SAMD12: variants seen among roughly 807,000 people sequenced by gnomAD.
The protein encoded by SAMD12 is sterile alpha motif domain containing 12, also known as sterile alpha motif domain-containing protein 12.
In SAMD12, 9 loss-of-function variants were observed where a neutral mutation model predicts 15.0. That is an observed-to-expected ratio of 0.60 (90% confidence interval 0.36 to 1.05). SAMD12 has a LOEUF of 1.05. Among genes scored for constraint, SAMD12 ranks in the 50% least tolerant of loss-of-function variants. The pLI is 0.01. For missense variants in SAMD12, 230 were observed against 234.2 expected (o/e 0.98, Z 0.12); for synonymous variants, 86 against 90.1 (o/e 0.96, Z 0.25).
chr8:118,531,351 G>A (rs1825679881), intron 2 of SAMD12, among the ~76,000 whole-genome samples: 1 of 152,212 alleles, frequency 6.6e-6, no homozygotes, highest in African/African-American at 2.4e-5. Flanking sequence ...ATAGTTTGAA[G>A]TCAGGTAGCG....
chr8:118,454,800 T>A (rs573850408), intron 2 of SAMD12, among the ~76,000 whole-genome samples: 67 of 152,270 alleles, frequency 4.4e-4, no homozygotes, highest in Middle Eastern at 3.4e-3. Flanking sequence ...TGTCCCCTTG[T>A]CTCCCCATTC....
intron 1 of SAMD12, among the ~76,000 whole-genome samples, chr8:118,583,448 A>T (rs941793798): frequency 2.0e-5 from 3 of 152,154 alleles, no homozygotes; most frequent in Middle Eastern, 3.2e-3. Context: ...ATGGATTCAG[A>T]CATTAATGAA....
intron 2 of SAMD12, among the ~76,000 whole-genome samples, chr8:118,553,215 C>T (rs1826404614): frequency 2.0e-5 from 3 of 152,138 alleles, no homozygotes; most frequent in Admixed American, 2.0e-4. Context: ...AAAAAGCCCA[C>T]ATCGCCAAGG....
the SAMD12 span, among the ~76,000 whole-genome samples, chr8:118,175,397 A>G: frequency 1.2e-4 from 19 of 152,370 alleles, no homozygotes; most frequent in Middle Eastern, 0.014. Context: ...ATCCTAGGAG[A>G]AAACCTAGGA....
rs1355477082 is a variant in SAMD12, at chr8:118,514,149, AT to A, written c.192+66565del. The stretch of plus-strand genomic sequence containing the variant: ...GTACATGAGATCAGCAACCCTCCCC[AT>A]CACAAGGCATTTAAAATGATTTTTT... On this transcript the variant is annotated intron_variant, in intron 2 of 3. Coordinates refer to ENST00000314727, the MANE Select transcript of SAMD12 (RefSeq NM_207506.3). Among the ~76,000 whole-genome samples the A allele has an allele frequency of 2.6e-5, 4 of 151,850 alleles. No individual in the cohort carries two copies. In the East Asian group the frequency reaches 7.7e-4, roughly 29 times the overall value.
At chr8:118,576,154 A>T (rs1827145103) in intron 2 of SAMD12, among the ~76,000 whole-genome samples, 1 of 152,212 alleles carries the variant, frequency 6.6e-6, no homozygotes. Flanking sequence ...ACTTTCTGCC[A>T]TAATGATCAT....
intron 1 of SAMD12, among the ~76,000 whole-genome samples, chr8:118,597,031 CAT>C (rs1186408628): frequency 2.0e-5 from 3 of 152,104 alleles, no homozygotes; most frequent in African/African-American, 7.2e-5. Context: ...GATGGAATCA[CAT>C]GTGCAAAGCT....
chr8:118,203,455 A>C (rs1819770307), intron 4 of SAMD12, among the ~76,000 whole-genome samples: 1 of 152,132 alleles, frequency 6.6e-6, no homozygotes, highest in Non-Finnish European at 1.5e-5. Flanking sequence ...GAAACCCATT[A>C]AACTGCTGAA....
intron 4 of SAMD12, among the ~76,000 whole-genome samples, chr8:118,227,583 T>G (rs1202443434): frequency 2.0e-5 from 3 of 152,208 alleles, no homozygotes; most frequent in Non-Finnish European, 4.4e-5. Flanking sequence ...AATATGATAC[T>G]GGGTAAGTCA....
chr8:118,234,322 CATA>C (rs1586369374), intron 4 of SAMD12, among the ~76,000 whole-genome samples: 1 of 151,956 alleles, frequency 6.6e-6, no homozygotes, highest in East Asian at 1.9e-4. Context: ...TTATGTTTGT[CATA>C]ATATTTATCA....
chr8:118,577,782 C>A (rs181512070), intron 2 of SAMD12, among the ~76,000 whole-genome samples: 1 of 152,074 alleles, frequency 6.6e-6, no homozygotes, highest in Non-Finnish European at 1.5e-5. Flanking sequence ...AAAGACCCCA[C>A]GATAACTCAC....
intron 4 of SAMD12, among the ~76,000 whole-genome samples, chr8:118,235,143 A>G (rs1368081879): frequency 6.6e-6 from 1 of 152,184 alleles, no homozygotes; most frequent in Non-Finnish European, 1.5e-5. Flanking sequence ...AATTTAGGGT[A>G]AGATGCCATT....
At chr8:118,598,216 T>C (rs376728681) in intron 1 of SAMD12, among the ~76,000 whole-genome samples, 4 of 152,312 alleles carry the variant, frequency 2.6e-5, no homozygotes, top group African/African-American at 9.6e-5. Context: ...AGAATTGTGT[T>C]TCTCCCGACC....
intron 2 of SAMD12, among the ~76,000 whole-genome samples, chr8:118,572,396 T>C (rs146503937): frequency 7.2e-5 from 11 of 152,284 alleles, no homozygotes; most frequent in Non-Finnish European, 1.6e-4. Flanking sequence ...TGGGAAGGCA[T>C]GATTGGTTTT....
rs1199443846 is a variant in SAMD12 at position 118,435,586 on chromosome 8, A to G, written c.322+4246T>C. 2.0e-5 allele frequency among the ~76,000 whole-genome samples: 3 copies of G among 152,182 alleles called. No individual in the cohort carries two copies. The East Asian group carries it at 5.8e-4, about 29-fold the overall frequency. Reference sequence around the variant, plus strand: ...ATATTGCAAAAGATTTTGAACACTGATAAGTTAAAACATGTCTAAAGTTTT... The same window carrying G: ...ATATTGCAAAAGATTTTGAACACTGGTAAGTTAAAACATGTCTAAAGTTTT... On this transcript the variant is annotated intron_variant, in intron 3 of 3. Coordinates refer to ENST00000314727, the MANE Select transcript of SAMD12 (RefSeq NM_207506.3).
At chr8:118,313,073 T>A (rs1218417562) in intron 4 of SAMD12, among the ~76,000 whole-genome samples, 1 of 152,154 alleles carries the variant, frequency 6.6e-6, no homozygotes, top group African/African-American at 2.4e-5. Context: ...ATTGGAGTTT[T>A]CCCTCCATCA....
Position 118,340,156 on chromosome 8 carries a change from T to C in SAMD12, c.433+39404A>G, listed in dbSNP as rs866079041. ...ATTTGCCCCACAGGCTGTATTGCCATGGAATAAATTTCTAGAACGTTAAAA... is the reference window on the plus strand; with the variant it reads ...ATTTGCCCCACAGGCTGTATTGCCACGGAATAAATTTCTAGAACGTTAAAA... On this transcript the variant is annotated intron_variant, in intron 4 of 4. Transcript: ENST00000409003. 2.0e-5 allele frequency among the ~76,000 whole-genome samples: 3 copies of C among 152,312 alleles called. No homozygotes were observed. In the Middle Eastern group the frequency reaches 0.01, roughly 518 times the overall value.
intron 4 of SAMD12, among the ~76,000 whole-genome samples, chr8:118,272,570 A>G (rs1423828331): frequency 6.6e-6 from 1 of 152,176 alleles, no homozygotes; most frequent in Admixed American, 6.5e-5. Context: ...TTTCTGTTGC[A>G]TCGTCATGCT....
At chr8:118,215,825 T>C (rs1586351701) in intron 4 of SAMD12, among the ~76,000 whole-genome samples, 1 of 152,194 alleles carries the variant, frequency 6.6e-6, no homozygotes. Context: ...TAGTATTCCA[T>C]GGTGTATATG....
Sources: allele counts gnomAD v4.1 joint callset (sites outside exome capture counted in the v4.1 genomes callset), GRCh38; gene constraint gnomAD v4.1.1; transcripts MANE v1.5; gene names NCBI Gene and HGNC (gene_info 2026-07-23, HGNC 2026-07-21).